LRBA: variants seen among roughly 807,000 people sequenced by gnomAD.
LRBA encodes the protein LPS responsive beige-like anchor protein.
LRBA carries 176 observed loss-of-function variants against 330.0 expected under a neutral mutation model. The observed-to-expected ratio is 0.53, with a 90% CI of 0.47 to 0.60. The LOEUF (loss-of-function observed/expected upper bound fraction) is 0.60. Ranked by LOEUF, LRBA falls within the 20% of genes least tolerant of loss-of-function variation. The pLI, the probability that LRBA is intolerant of heterozygous loss-of-function variation, is 0.00. For missense variants in LRBA, 3,259 were observed against 3,444.8 expected, an observed-to-expected ratio of 0.95 and a Z score of 1.35; for synonymous variants, 1,230 against 1,193.0, an observed-to-expected ratio of 1.03 and a Z score of -0.64.
chr4:150,583,554 G>A lies in LRBA; in HGVS notation c.6330+4494C>T, dbSNP rs1424850118. ...TGGTGCAAATCACTCCGGCGTTCAA[G>A]TGCACCGGGATCTGGCCTCGCAGCG... is the stretch of plus-strand genomic sequence containing the variant. On this transcript the variant is annotated intron_variant, in intron 40 of 56. Coordinates refer to ENST00000651943, the MANE Select transcript of LRBA (RefSeq NM_001364905.1). This position sits in a 1 kb window ranked among gnomAD's most constrained non-coding sequence, Gnocchi z 9.8. 6.2e-7 allele frequency: 1 copy of A among 1,613,880 alleles called. No homozygotes were observed. Among genetic ancestry groups the A allele is most frequent in the Non-Finnish European group, 8.5e-7 (1 of 1,179,916 alleles).
At chr4:150,268,220 C>T (rs1745617713) in intron 56 of LRBA, among the ~76,000 whole-genome samples, 1 of 151,886 alleles carries the variant, frequency 6.6e-6, no homozygotes, top group South Asian at 2.1e-4. Flanking sequence ...AAACAGTATA[C>T]CAAAACTGAA....
intron 37 of LRBA, among the ~76,000 whole-genome samples, chr4:150,642,500 A>G (rs183142373): frequency 3.9e-4 from 60 of 151,996 alleles, no homozygotes; most frequent in African/African-American, 1.3e-3. Context: ...ATAGCTGTGA[A>G]GAGTACAGGA....
intron 52 of LRBA, among the ~76,000 whole-genome samples, chr4:150,306,277 G>C (rs1045048397): frequency 6.6e-6 from 1 of 151,582 alleles, no homozygotes; most frequent in Non-Finnish European, 1.5e-5. Flanking sequence ...ATAAGAGAAG[G>C]ATTTTTTTTT....
intron 40 of LRBA, among the ~76,000 whole-genome samples, chr4:150,506,675 G>C (rs1354807889): frequency 2.0e-5 from 3 of 152,152 alleles, no homozygotes; most frequent in Non-Finnish European, 4.4e-5. Context: ...CACAAGACAG[G>C]GATGCCCTCT....
At position 150,698,010 on chromosome 4, in the gene LRBA, T is replaced by C. The variant is rs192724356; in HGVS notation, c.5755-14293A>G. Among the ~76,000 whole-genome samples the C allele has an allele frequency of 1.2e-3, 183 of 152,316 alleles. 4 individuals are homozygous for C. Among genetic ancestry groups the C allele is most frequent in the African/African-American group, 4.3e-3 (179 of 41,596 alleles). ...TATAAAAAGGTAAGTAGAAGGAAAC[T>C]ATTTTTATCAACTCAAGTATTTCCA... On this transcript the variant is annotated intron_variant, in intron 36 of 56. Coordinates refer to ENST00000651943, the MANE Select transcript of LRBA (RefSeq NM_001364905.1).
At chr4:150,364,864 A>T (rs2151850722) in intron 47 of LRBA, among the ~76,000 whole-genome samples, 1 of 152,214 alleles carries the variant, frequency 6.6e-6, no homozygotes, top group South Asian at 2.1e-4. Context: ...CTGGATAAGA[A>T]ATTTATATTC....
Position 150,596,990 on chromosome 4 carries a change from T to C in LRBA, c.6046+2017A>G. The C allele has an allele frequency of 4.8e-6, 3 of 619,172 alleles. No homozygotes were observed. In the South Asian group the frequency reaches 6.7e-5, roughly 14 times the overall value. 38.4% of individuals were successfully genotyped at this position (619,172 alleles called of 1,614,324 possible). On this transcript the variant is annotated intron_variant, in intron 38 of 56. Coordinates refer to ENST00000651943, the MANE Select transcript of LRBA (RefSeq NM_001364905.1). ...AAGAATCTCCTACACATTTAGATTT[T>C]TAAACATATATTTCAAACGCAAGTT... is the stretch of plus-strand genomic sequence containing the variant.
chr4:150,617,453 C>T (rs1354377777), intron 37 of LRBA, among the ~76,000 whole-genome samples: 1 of 151,310 alleles, frequency 6.6e-6, no homozygotes, highest in Non-Finnish European at 1.5e-5. Context: ...ACCAGGCTGG[C>T]CAACATGGTG....
At chr4:150,944,109 T>A (rs1735980253) in intron 2 of LRBA, among the ~76,000 whole-genome samples, 1 of 152,190 alleles carries the variant, frequency 6.6e-6, no homozygotes, top group Non-Finnish European at 1.5e-5. Flanking sequence ...TGCAACCTCG[T>A]GACAGACCCT....
chr4:150,639,342 C>T (rs1778262818), intron 37 of LRBA, among the ~76,000 whole-genome samples: 1 of 80,798 alleles, frequency 1.2e-5, no homozygotes, highest in Non-Finnish European at 3.0e-5. Flanking sequence ...CACATGTACC[C>T]TAAAACTTAA....
intron 36 of LRBA, among the ~76,000 whole-genome samples, chr4:150,712,498 A>G (rs1786320046): frequency 6.6e-6 from 1 of 152,166 alleles, no homozygotes. Flanking sequence ...AGGAATGCCA[A>G]TGTCCTAATC....
chr4:150,949,617 G>C (rs906895420), intron 2 of LRBA, among the ~76,000 whole-genome samples: 6 of 152,006 alleles, frequency 3.9e-5, no homozygotes, highest in Non-Finnish European at 8.8e-5. Flanking sequence ...AGAAGACCTA[G>C]TTTTAAAAAA....
chr4:150,281,062 C>CTT (rs748630924), intron 55 of LRBA, among the ~76,000 whole-genome samples: 1 of 152,198 alleles, frequency 6.6e-6, no homozygotes, highest in African/African-American at 2.4e-5. Context: ...CCACTGCTGC[C>CTT]TCAAGGAACT....
intron 37 of LRBA, among the ~76,000 whole-genome samples, chr4:150,604,848 T>C (rs1774469905): frequency 6.6e-6 from 1 of 152,116 alleles, no homozygotes. Flanking sequence ...CTCCTTTCTT[T>C]CTCTGGAATC....
At chr4:150,679,608 A>G (rs1782876297) in intron 37 of LRBA, 1 of 152,206 alleles carries the variant, frequency 6.6e-6, no homozygotes, top group Non-Finnish European at 1.5e-5. Context: ...GTGACACAGA[A>G]AAAAGATGAA....
At chr4:150,941,430 C>T (rs772340825) in intron 2 of LRBA, among the ~76,000 whole-genome samples, 12 of 152,082 alleles carry the variant, frequency 7.9e-5, no homozygotes, top group Non-Finnish European at 7.4e-5. Flanking sequence ...GGATTACAGG[C>T]GTGAGCCACC....
chr4:150,701,326 A>T (rs1785099646), intron 36 of LRBA, among the ~76,000 whole-genome samples: 2 of 152,282 alleles, frequency 1.3e-5, no homozygotes, highest in South Asian at 4.1e-4. Flanking sequence ...AGTAAAAGGA[A>T]TACACTCTAA....
chr4:150,322,951 G>A lies in LRBA; in HGVS notation c.7453-1583C>T, dbSNP rs28549732. Among the ~76,000 whole-genome samples, 893 of 149,488 alleles carry A rather than the reference G, an allele frequency of 6.0e-3. 12 individuals carry two copies. Among genetic ancestry groups the A allele is most frequent in the African/African-American group, 0.021 (848 of 40,526 alleles). ...GTATATTATGGTTCATGCACTTAAC[G>A]CAGCACGAGGTGGCTTTAATTTCTG... On this transcript the variant is annotated intron_variant, in intron 49 of 56. Transcript: ENST00000651943.
chr4:150,683,238 C>A (rs1268951416), intron 37 of LRBA, among the ~76,000 whole-genome samples: 3 of 151,864 alleles, frequency 2.0e-5, no homozygotes, highest in Non-Finnish European at 4.4e-5. Context: ...AGTTTAACTG[C>A]TTCCCTTAAG....
Sources: gnomAD v4.1 joint callset for allele counts (sites outside exome capture counted in the v4.1 genomes callset) on GRCh38, gnomAD v4.1.1 for gene constraint, Gnocchi (gnomAD v3.1) non-coding constraint, MANE v1.5 for transcripts, NCBI Gene and HGNC (gene_info 2026-07-23, HGNC 2026-07-21) for gene names.